Variants in LCLAT1 observed in about 807,000 individuals in gnomAD.
The protein encoded by LCLAT1 is lysocardiolipin acyltransferase 1.
In LCLAT1, 11 loss-of-function variants were observed where a neutral mutation model predicts 30.7. That is an observed-to-expected ratio of 0.36 (90% CI 0.23 to 0.59). The LOEUF is 0.59. Ranked by LOEUF, LCLAT1 falls within the 20% of genes least tolerant of loss-of-function variation. The probability of loss-of-function intolerance (pLI) is 0.77; values close to 1 mark genes in which losing one functional copy is unlikely to be tolerated. For synonymous variants in LCLAT1, 155 were observed against 151.3 expected, an observed-to-expected ratio of 1.02 and a Z score of -0.18; for missense variants, 402 against 458.6, an observed-to-expected ratio of 0.88 and a Z score of 1.13.
At chr2:30,460,801 A>G (rs1682082165) in intron 1 of LCLAT1, among the ~76,000 whole-genome samples, 3 of 152,172 alleles carry the variant, frequency 2.0e-5, no homozygotes, top group African/African-American at 7.2e-5. Flanking sequence ...GGCAGTGACT[A>G]GATAGCAGAG....
At chr2:30,631,628 A>C (rs1250450109) in intron 5 of LCLAT1, among the ~76,000 whole-genome samples, 1 of 152,220 alleles carries the variant, frequency 6.6e-6, no homozygotes, top group African/African-American at 2.4e-5. Context: ...TATAGTAGCA[A>C]AGTTACTTTT....
chr2:30,555,860 T>TA (rs1664894364), intron 3 of LCLAT1, among the ~76,000 whole-genome samples: 1 of 139,714 alleles, frequency 7.2e-6, no homozygotes, highest in Non-Finnish European at 1.5e-5. Context: ...TTTTTTGAGA[T>TA]AGAGTCTTGC....
Position 30,577,860 on chromosome 2 carries a change from T to A in LCLAT1, c.628+9684T>A. Among the ~76,000 whole-genome samples the A allele has an allele frequency of 1.3e-5, 2 of 152,102 alleles. 1 individual carries two copies. Among genetic ancestry groups the A allele is most frequent in the South Asian group, 4.1e-4 (2 of 4,826 alleles). On this transcript the variant is annotated intron_variant, in intron 5 of 5. Coordinates refer to ENST00000379509, the MANE Select transcript of LCLAT1 (RefSeq NM_001002257.3). ...CTGTTGTTCATGCTACCTGCCTGAT[T>A]TTGATGGCCGAAATATTTTTCACTA...
intron 1 of LCLAT1, among the ~76,000 whole-genome samples, chr2:30,451,173 A>G (rs956959820): frequency 2.6e-5 from 4 of 152,264 alleles, no homozygotes; most frequent in Non-Finnish European, 4.4e-5. Flanking sequence ...AGATACTGCT[A>G]TACACCTTCC....
chr2:30,540,667 CTT>C (rs563391404), intron 3 of LCLAT1, among the ~76,000 whole-genome samples: 20 of 142,726 alleles, frequency 1.4e-4, no homozygotes, highest in Admixed American at 1.4e-4. Flanking sequence ...CTTTTCCTTT[CTT>C]TTTTTTTTTT....
Position 30,643,561 on chromosome 2 carries a change from G to A in LCLAT1, c.*2942G>A, listed in dbSNP as rs1454181655. On this transcript the variant is annotated 3_prime_UTR_variant, in exon 6 of 6. Transcript: ENST00000379509. ...CTTCCACTTGAGTCACTTTGAAATA[G>A]TTAATTCAACAGCACCATGTTAGAA... The A allele has an allele frequency of 6.6e-6, 1 of 152,498 alleles. No homozygotes were observed. The highest frequency in any genetic ancestry group is 1.5e-5 in the Non-Finnish European group (1 of 68,030). The allele number at this position is 152,498 out of a possible 1,614,324, so 9.4% of individuals were successfully genotyped here.
chr2:30,637,007 G>A (rs1305365607), intron 5 of LCLAT1, among the ~76,000 whole-genome samples: 1 of 152,194 alleles, frequency 6.6e-6, no homozygotes, highest in Non-Finnish European at 1.5e-5. Flanking sequence ...TTACACAGAT[G>A]TTAGAAGCAG....
intron 5 of LCLAT1, among the ~76,000 whole-genome samples, chr2:30,585,676 A>T (rs1248815995): frequency 1.3e-5 from 2 of 152,016 alleles, no homozygotes; most frequent in African/African-American, 2.4e-5. Flanking sequence ...TTCTGTGTTC[A>T]TGCTTTTCTC....
intron 5 of LCLAT1, among the ~76,000 whole-genome samples, chr2:30,630,078 T>C (rs1668698619): frequency 6.6e-6 from 1 of 152,142 alleles, no homozygotes; most frequent in Non-Finnish European, 1.5e-5. Context: ...ACCAAGATCA[T>C]GTGTTGGCGA....
intron 1 of LCLAT1, among the ~76,000 whole-genome samples, chr2:30,499,508 A>G (rs1365983812): frequency 2.6e-5 from 4 of 152,118 alleles, no homozygotes; most frequent in African/African-American, 7.2e-5. Flanking sequence ...TTTGTTTCAT[A>G]TGAGACTTCT....
Position 30,525,356 on chromosome 2 carries a change from G to A in LCLAT1, c.-4-231G>A, listed in dbSNP as rs113574059. Among the ~76,000 whole-genome samples, 689 of 152,252 alleles carry A rather than the reference G, an allele frequency of 4.5e-3. 4 individuals are homozygous for A. The highest frequency in any genetic ancestry group is 7.1e-3 in the Non-Finnish European group (480 of 68,018). ...CCTCCTAAAGTGCTGGGATTGCAGC[G>A]TGAGTCGCCGCACCCGACCAGAGAA... On this transcript the variant is annotated intron_variant, in intron 1 of 5. Transcript: ENST00000379509.
intron 3 of LCLAT1, among the ~76,000 whole-genome samples, chr2:30,550,229 CCTAT>C (rs1340637554): frequency 6.6e-6 from 1 of 152,062 alleles, no homozygotes; most frequent in Non-Finnish European, 1.5e-5. Flanking sequence ...AGAGAATTTT[CCTAT>C]CTTTTTCACC....
intron 5 of LCLAT1, among the ~76,000 whole-genome samples, chr2:30,599,229 A>T (rs1473154477): frequency 6.6e-6 from 1 of 151,986 alleles, no homozygotes; most frequent in Admixed American, 6.6e-5. Context: ...TGATCCGCCC[A>T]CCTCAGCCTC....
chr2:30,542,467 A>G (rs759824810), intron 3 of LCLAT1, among the ~76,000 whole-genome samples: 1 of 152,066 alleles, frequency 6.6e-6, no homozygotes, highest in East Asian at 1.9e-4. Context: ...CCTTTTTTGA[A>G]AATTATTTGT....
intron 3 of LCLAT1, among the ~76,000 whole-genome samples, chr2:30,560,283 G>GGT (rs57326977): frequency 0.13 from 18,290 of 144,384 alleles, 1,206 homozygotes; most frequent in East Asian, 0.26. Flanking sequence ...AATAAAGTGT[G>GGT]GTGTGTGTGT....
At chr2:30,579,821 A>T (rs1023303023) in intron 5 of LCLAT1, among the ~76,000 whole-genome samples, 1 of 152,168 alleles carries the variant, frequency 6.6e-6, no homozygotes, top group African/African-American at 2.4e-5. Flanking sequence ...AAATACTCCA[A>T]ACCTGGTGAG....
chr2:30,621,868 G>T (rs1398788605), intron 5 of LCLAT1, among the ~76,000 whole-genome samples: 2 of 152,190 alleles, frequency 1.3e-5, no homozygotes, highest in East Asian at 3.9e-4. Flanking sequence ...GCTGAACTTT[G>T]TAACAACTTT....
chr2:30,500,704 A>T (rs1049054680), intron 1 of LCLAT1, among the ~76,000 whole-genome samples: 3 of 152,232 alleles, frequency 2.0e-5, no homozygotes, highest in Non-Finnish European at 4.4e-5. Context: ...AGGGAAACCG[A>T]TTTAAATATT....
chr2:30,453,878 C>G (rs1681688090), intron 1 of LCLAT1, among the ~76,000 whole-genome samples: 2 of 152,180 alleles, frequency 1.3e-5, no homozygotes, highest in Admixed American at 1.3e-4. Context: ...TTAACCCTCC[C>G]AGCTTCCACT....
Sources: gnomAD v4.1 joint callset for allele counts (sites outside exome capture counted in the v4.1 genomes callset) on GRCh38, gnomAD v4.1.1 for gene constraint, MANE v1.5 for transcripts, NCBI Gene and HGNC (gene_info 2026-07-23, HGNC 2026-07-21) for gene names.